The following DLGAP2 variants were observed in gnomAD, a reference collection of about 807,000 sequenced individuals.
The protein encoded by DLGAP2 is disks large-associated protein 2.
In DLGAP2, 26 loss-of-function variants were observed where a neutral mutation model predicts 100.3. The ratio of observed to expected loss-of-function variants is 0.26; its 90% CI spans 0.19 to 0.36. DLGAP2 has a LOEUF of 0.36. Ranked by LOEUF, DLGAP2 falls within the 10% of genes least tolerant of loss-of-function variation. DLGAP2 has a pLI of 1.00. For synonymous variants in DLGAP2, 886 were observed against 630.1 expected, an observed-to-expected ratio of 1.41 and a Z score of -6.08; for missense variants, 1,858 against 1,453.2, an observed-to-expected ratio of 1.28 and a Z score of -4.53.
chr8:765,593 A>G lies in DLGAP2; in HGVS notation c.18+27768A>G, dbSNP rs191155025. ...TTTATATTGAAAACAGCACCCCAAA[A>G]TGGTCCTGAAACAACAGTGACCCTA... On this transcript the variant is annotated intron_variant, in intron 1 of 14. Coordinates refer to ENST00000637795, the MANE Select transcript of DLGAP2 (RefSeq NM_001346810.2). 3.9e-3 allele frequency among the ~76,000 whole-genome samples: 593 copies of G among 152,300 alleles called. 7 individuals carry two copies. Among genetic ancestry groups the G allele is most frequent in the Non-Finnish European group, 2.8e-3 (189 of 68,032 alleles).
At chr8:986,228 G>A (rs1400011434) in intron 2 of DLGAP2, among the ~76,000 whole-genome samples, 1 of 152,204 alleles carries the variant, frequency 6.6e-6, no homozygotes, top group Non-Finnish European at 1.5e-5. Flanking sequence ...GTTTAGCACA[G>A]CAGGGGTAGG....
intron 3 of DLGAP2, among the ~76,000 whole-genome samples, chr8:1,348,618 G>A (rs1220487717): frequency 2.0e-5 from 3 of 151,828 alleles, no homozygotes; most frequent in Non-Finnish European, 4.4e-5. Flanking sequence ...TGGTAGCTGT[G>A]TGGAGGTTGA....
intron 1 of DLGAP2, chr8:753,898 C>G (rs1223412317): frequency 6.6e-6 from 1 of 152,226 alleles, no homozygotes; most frequent in Non-Finnish European, 1.5e-5. Context: ...CGCGGTGCGG[C>G]GTGTGATTGC....
At chr8:757,498 G>A (rs983256941) in intron 1 of DLGAP2, among the ~76,000 whole-genome samples, 4 of 152,264 alleles carry the variant, frequency 2.6e-5, no homozygotes, top group African/African-American at 7.2e-5. Context: ...GGGCTGATGG[G>A]ATGTTCTGGT....
At chr8:918,052 G>C (rs1221418579) in intron 2 of DLGAP2, among the ~76,000 whole-genome samples, 1 of 152,164 alleles carries the variant, frequency 6.6e-6, no homozygotes, top group Non-Finnish European at 1.5e-5. Context: ...AGCAGCTGAA[G>C]ATATTCAGCC....
intron 2 of DLGAP2, among the ~76,000 whole-genome samples, chr8:948,263 C>A (rs1799382515): frequency 6.6e-6 from 1 of 152,222 alleles, no homozygotes; most frequent in Non-Finnish European, 1.5e-5. Context: ...TGTGGAGGAC[C>A]CTGTTTCCTG....
At chr8:1,614,680 T>A (rs894539379) in intron 6 of DLGAP2, among the ~76,000 whole-genome samples, 4 of 152,190 alleles carry the variant, frequency 2.6e-5, no homozygotes, top group African/African-American at 9.6e-5. Flanking sequence ...GCAGAACTGA[T>A]ATGCAGGTTG....
intron 2 of DLGAP2, among the ~76,000 whole-genome samples, chr8:997,808 A>T (rs772540805): frequency 3.9e-5 from 6 of 152,216 alleles, no homozygotes; most frequent in Non-Finnish European, 8.8e-5. Flanking sequence ...AAATTTGCTT[A>T]TACCTATGCA....
intron 3 of DLGAP2, among the ~76,000 whole-genome samples, chr8:1,457,975 C>A (rs1238914252): frequency 9.3e-6 from 1 of 107,766 alleles, no homozygotes; most frequent in Non-Finnish European, 1.9e-5. Context: ...GTTCTCTGAT[C>A]ATATATATAT....
rs533360322 is a variant in DLGAP2 at position 1,514,838 on chromosome 8, G to A, written c.172+13407G>A. Among the ~76,000 whole-genome samples the A allele has an allele frequency of 3.9e-5, 6 of 152,306 alleles. No individual in the cohort carries two copies. The South Asian group carries it at 1.2e-3, about 32-fold the overall frequency. On this transcript the variant is annotated intron_variant, in intron 4 of 14. Transcript: ENST00000637795. The stretch of plus-strand genomic sequence containing the variant: ...CTGAGTCCGGAGGGTGGCGCTCAGC[G>A]TGATGCCACCCAGAGTCTGACAGAG...
At position 1,549,132 on chromosome 8, in the gene DLGAP2, G is replaced by A; in HGVS notation, c.679G>A (p.Gly227Arg). The change falls in exon 5 of 15, where the codon GGG becomes AGG. Residue 227 changes from glycine to arginine, a missense_variant. Physicochemically the swap from Gly to Arg is moderately radical, Grantham distance 125. Transcript: ENST00000637795. ...CGCCGAGCAGCGCAGCGAGAGCCCC[G>A]GGCGGATCCGCCACCTGGTACACTC... is the stretch of plus-strand genomic sequence containing the variant. ...AAAEQRSESP[G>R]RIRHLVHSVQ... 3 of 1,590,122 alleles carry A rather than the reference G, an allele frequency of 1.9e-6. No individual in the cohort carries two copies. Among genetic ancestry groups the A allele is most frequent in the South Asian group, 2.3e-5 (2 of 88,408 alleles).
At chr8:1,003,053 T>A (rs1801006293) in intron 2 of DLGAP2, 1 of 152,130 alleles carries the variant, frequency 6.6e-6, no homozygotes, top group African/African-American at 2.4e-5. Flanking sequence ...CGGTTCGGGG[T>A]CCCTGAGTCC....
chr8:1,488,606 G>A (rs1409781538), intron 3 of DLGAP2, among the ~76,000 whole-genome samples: 2 of 152,162 alleles, frequency 1.3e-5, no homozygotes, highest in African/African-American at 2.4e-5. Context: ...ATGCTGACAC[G>A]CCACACAGGA....
chr8:1,430,655 T>A (rs1390368365), intron 3 of DLGAP2, among the ~76,000 whole-genome samples: 1 of 152,214 alleles, frequency 6.6e-6, no homozygotes, highest in Non-Finnish European at 1.5e-5. Context: ...TGAGAGGAGT[T>A]TGTGACCTGC....
chr8:924,684 G>C (rs552788642), intron 2 of DLGAP2, among the ~76,000 whole-genome samples: 165 of 152,042 alleles, frequency 1.1e-3, no homozygotes, highest in Non-Finnish European at 1.9e-3. Flanking sequence ...CTGGATTCAA[G>C]GGATTTTCCT....
chr8:1,274,425 T>G (rs1357964793), intron 3 of DLGAP2, among the ~76,000 whole-genome samples: 2 of 146,870 alleles, frequency 1.4e-5, no homozygotes, highest in African/African-American at 4.9e-5. Flanking sequence ...GACTTTGGAT[T>G]TGTTTTAGAA....
intron 1 of DLGAP2, among the ~76,000 whole-genome samples, chr8:754,474 A>G (rs757481073): frequency 6.6e-6 from 1 of 152,228 alleles, no homozygotes; most frequent in African/African-American, 2.4e-5. Context: ...TTGCTTAGAA[A>G]CAATGGTTGC....
chr8:1,372,182 A>T (rs1802254850), intron 3 of DLGAP2, among the ~76,000 whole-genome samples: 1 of 151,896 alleles, frequency 6.6e-6, no homozygotes, highest in African/African-American at 2.4e-5. Context: ...CGTGGCGCCA[A>T]CGCTGGGGCG....
intron 3 of DLGAP2, among the ~76,000 whole-genome samples, chr8:1,280,108 T>C (rs1042734284): frequency 1.3e-5 from 2 of 152,220 alleles, no homozygotes; most frequent in African/African-American, 2.4e-5. Flanking sequence ...TCTTGGGACC[T>C]TAACTGATCC....
Sources: gnomAD v4.1 joint callset for allele counts (sites outside exome capture counted in the v4.1 genomes callset) on GRCh38, gnomAD v4.1.1 for gene constraint, MANE v1.5 for transcripts, NCBI Gene and HGNC (gene_info 2026-07-23, HGNC 2026-07-21) for gene names.